UNC45A: variants seen among roughly 807,000 people sequenced by gnomAD.
UNC45A encodes the protein protein unc-45 homolog A.
Under a neutral mutation model 103.2 loss-of-function variants are expected in UNC45A, and 78 were observed. That is an observed-to-expected ratio of 0.76 (90% CI 0.63 to 0.91). UNC45A has a LOEUF of 0.91. Among genes scored for constraint, UNC45A ranks in the 40% least tolerant of loss-of-function variants. The pLI, the probability that UNC45A is intolerant of heterozygous loss-of-function variation, is 0.00. For missense variants in UNC45A, 1,193 were observed against 1,224.8 expected (o/e 0.97, Z 0.39); for synonymous variants, 495 against 504.6 (o/e 0.98, Z 0.25).
chr15:90,936,297 A>G lies in UNC45A; in HGVS notation c.263A>G (p.Asp88Gly). The change falls in exon 4 of 20, where the codon GAT becomes GGT. Residue 88 changes from aspartate to glycine, a missense_variant. Coordinates refer to ENST00000418476, the MANE Select transcript of UNC45A (RefSeq NM_018671.5). ...TGTTTGTGCTCAGCCATTGAAAAGG[A>G]TGGTGGGGATGTCAAAGCACTCTAC... ...ETEASKAIEK[D>G]GGDVKALYRR... is the part of the protein sequence containing the mutation. 6.2e-7 allele frequency: 1 copy of G among 1,613,278 alleles called. No individual in the cohort carries two copies. Among genetic ancestry groups the G allele is most frequent in the Non-Finnish European group, 8.5e-7 (1 of 1,179,696 alleles).
rs1324583908 is a variant in UNC45A, at chr15:90,941,827, C to T, written c.688-610C>T. 5.3e-5 allele frequency among the ~76,000 whole-genome samples: 8 copies of T among 152,104 alleles called. No individual in the cohort carries two copies. The South Asian group carries it at 6.2e-4, about 12-fold the overall frequency. On this transcript the variant is annotated intron_variant, in intron 6 of 19. Coordinates refer to ENST00000418476, the MANE Select transcript of UNC45A (RefSeq NM_018671.5). ...ACAAAAAATTAGCCGGGTGCGGTGG[C>T]GGGCGCCTGTAATCCCAGTTACTCA...
intron 12 of UNC45A, 110 bp from the exon 13 acceptor site, chr15:90,948,544 A>T (rs1278706631): frequency 6.6e-7 from 1 of 1,512,892 alleles, no homozygotes; most frequent in African/African-American, 1.4e-5. Context: ...TTCATCCTGT[A>T]CCCAAGGGTC....
chr15:90,940,235 C>T (rs552484127), intron 5 of UNC45A, 71 bp from the exon 6 acceptor site: 139 of 1,517,332 alleles, frequency 9.2e-5, no homozygotes, highest in Non-Finnish European at 1.2e-4. Context: ...GGGCTCGGGG[C>T]CCCTGCTCAC....
upstream of UNC45A, chr15:90,934,751 C>A (rs1365968274): frequency 4.8e-5 from 19 of 399,268 alleles, no homozygotes; most frequent in Non-Finnish European, 7.9e-5. Flanking sequence ...GGGGAGCCAT[C>A]CTGAATCTGC....
chr15:90,946,942 G>GGGGGGC, intron 10 of UNC45A, 28 bp downstream of exon 10: 4 of 817,420 alleles, frequency 4.9e-6, no homozygotes, highest in African/African-American at 1.7e-5. Flanking sequence ...GGGTGGGTGG[G>GGGGGGC]CAGGCAGCCA....
At chr15:90,932,609 C>A, upstream of UNC45A, 1 of 923,230 alleles carries the variant, frequency 1.1e-6, no homozygotes, top group Non-Finnish European at 1.4e-6. Context: ...CCCCTGGCGC[C>A]GGGGAGGCCC....
At chr15:90,941,252 G>A (rs987212973) in intron 6 of UNC45A, among the ~76,000 whole-genome samples, 4 of 152,072 alleles carry the variant, frequency 2.6e-5, no homozygotes, top group African/African-American at 9.7e-5. Flanking sequence ...GCTTGATCCC[G>A]ACATGATTCT....
chr15:90,936,310 C>T lies in UNC45A; in HGVS notation c.276C>T (p.Val92=). 6.2e-7 allele frequency: 1 copy of T among 1,613,838 alleles called. No homozygotes were observed. Among genetic ancestry groups the T allele is most frequent in the Non-Finnish European group, 8.5e-7 (1 of 1,179,890 alleles). Residue 92 remains valine, a synonymous_variant, in exon 4 of 20, where the codon GTC becomes GTT. Transcript: ENST00000418476. ...CCATTGAAAAGGATGGTGGGGATGTCAAAGCACTCTACCGGCGGAGCCAAG... is the reference window on the plus strand; with the variant it reads ...CCATTGAAAAGGATGGTGGGGATGTTAAAGCACTCTACCGGCGGAGCCAAG... ...SKAIEKDGGD[V]KALYRRSQAL...
At position 90,947,804 on chromosome 15, in the gene UNC45A, T is replaced by C. The variant is rs200119712; in HGVS notation, c.1509T>C (p.Cys503=). Reference sequence around the variant, plus strand: ...TTGCCCTCTTCCTCCAGGGACTCTGTAAGCTCGGTTCGGCTGGAGGGACTG... The same window carrying C: ...TTGCCCTCTTCCTCCAGGGACTCTGCAAGCTCGGTTCGGCTGGAGGGACTG... The part of the protein sequence containing the change: ...SIRIRALVGL[C]KLGSAGGTDF... The change falls in exon 11 of 20, where the codon TGT becomes TGC. Residue 503 remains cysteine, a synonymous_variant. Transcript: ENST00000418476. 8.7e-6 allele frequency: 14 copies of C among 1,614,090 alleles called. No homozygotes were observed. In the East Asian group the frequency reaches 3.1e-4, roughly 36 times the overall value.
intron 17 of UNC45A, among the ~76,000 whole-genome samples, chr15:90,951,472 C>T (rs2036909124): frequency 6.6e-6 from 1 of 152,120 alleles, no homozygotes; most frequent in Non-Finnish European, 1.5e-5. Context: ...AGGGTAAATA[C>T]TCAAATGAGG....
At chr15:90,942,688 G>A in intron 7 of UNC45A, 83 bp downstream of exon 7, 1 of 1,595,644 alleles carries the variant, frequency 6.3e-7, no homozygotes, top group Non-Finnish European at 8.6e-7. Flanking sequence ...AGTTTTTTGG[G>A]GACCAGACTT....
chr15:90,942,768 C>T, intron 7 of UNC45A, 144 bp from the exon 8 acceptor site: 2 of 1,476,986 alleles, frequency 1.4e-6, no homozygotes, highest in Non-Finnish European at 9.2e-7. Flanking sequence ...AACCAAGGTG[C>T]CTCAGGACAA....
chr15:90,953,758 A>G lies in UNC45A; in HGVS notation c.*42A>G, dbSNP rs376056540. On this transcript the variant is annotated 3_prime_UTR_variant, in exon 20 of 20. Coordinates refer to ENST00000418476, the MANE Select transcript of UNC45A (RefSeq NM_018671.5). ...CCCAAGGCTCATGCACACGCTACCTATTGTGGCACGGAGAGTAAGGACGGA... is the reference window on the plus strand; with the variant it reads ...CCCAAGGCTCATGCACACGCTACCTGTTGTGGCACGGAGAGTAAGGACGGA... 283 of 1,595,658 alleles carry G rather than the reference A, an allele frequency of 1.8e-4. No individual in the cohort carries two copies. The highest frequency in any genetic ancestry group is 1.9e-4 in the Non-Finnish European group (227 of 1,169,138).
intron 2 of UNC45A, 108 bp from the exon 3 acceptor site, chr15:90,935,828 TGCACCTCAGG>T: frequency 6.4e-7 from 1 of 1,556,266 alleles, no homozygotes; most frequent in Admixed American, 2.0e-5. Flanking sequence ...AGATGTTTTT[TGCACCTCAGG>T]GTGGTGGGGG....
chr15:90,949,959 C>G, intron 15 of UNC45A, 195 bp from the exon 16 acceptor site: 1 of 669,692 alleles, frequency 1.5e-6, no homozygotes, highest in African/African-American at 1.8e-5. Context: ...CCCCCATGGC[C>G]CTGGTGCTCA....
At chr15:90,944,495 TG>T (rs2036461425) in intron 8 of UNC45A, among the ~76,000 whole-genome samples, 1 of 151,408 alleles carries the variant, frequency 6.6e-6, no homozygotes, top group Admixed American at 6.6e-5. Context: ...TCCCACGAGG[TG>T]TGGGTATCGT....
At chr15:90,946,480 A>C in intron 9 of UNC45A, 134 bp from the exon 10 acceptor site, 1 of 1,002,680 alleles carries the variant, frequency 1.0e-6, no homozygotes, top group Admixed American at 2.9e-5. Context: ...GAAACGTCCT[A>C]GTCCTCCCAT....
rs757728445 is a variant in UNC45A at position 90,953,612 on chromosome 15, G to C, written c.2731G>C (p.Val911Leu). Residue 911 changes from valine to leucine, a missense_variant, in exon 20 of 20, where the codon GTG (valine) becomes CTG (leucine). Transcript: ENST00000418476. ...MESEMMEILSVLAKGDHSPVT... is the reference protein window; with the variant it reads ...MESEMMEILSLLAKGDHSPVT... ...GAGTGAGATGATGGAGATCTTGTCA[G>C]TGCTAGCTAAGGGTGACCACAGCCC... 1.2e-6 allele frequency: 2 copies of C among 1,614,162 alleles called. No individual in the cohort carries two copies. Among genetic ancestry groups the C allele is most frequent in the East Asian group, 2.2e-5 (1 of 44,888 alleles).
At chr15:90,944,822 G>A in intron 8 of UNC45A, 70 bp from the exon 9 acceptor site, 3 of 1,536,506 alleles carry the variant, frequency 2.0e-6, no homozygotes, top group East Asian at 2.3e-5. Flanking sequence ...ACATCTCCTA[G>A]GAAGCCTGTT....
Sources: allele counts gnomAD v4.1 joint callset (sites outside exome capture counted in the v4.1 genomes callset), GRCh38; gene constraint gnomAD v4.1.1; transcripts MANE v1.5; gene names NCBI Gene and HGNC (gene_info 2026-07-23, HGNC 2026-07-21).